Variants in DPY19L2 observed in about 807,000 individuals in gnomAD.
DPY19L2 encodes dpy-19 like 2.
In DPY19L2, 34 loss-of-function variants were observed where a neutral mutation model predicts 97.9. The ratio of observed to expected loss-of-function variants is 0.35; its 90% CI spans 0.26 to 0.46. The LOEUF (loss-of-function observed/expected upper bound fraction) is 0.46, where lower values mean the gene tolerates loss of function less well. DPY19L2 is among the 20% of genes least tolerant of loss of function. The probability of loss-of-function intolerance (pLI) is 1.00; values close to 1 mark genes in which losing one functional copy is unlikely to be tolerated. For missense variants in DPY19L2, 623 were observed against 911.4 expected (o/e 0.68, Z 4.07); for synonymous variants, 230 against 307.9 (o/e 0.75, Z 2.65).
At chr12:63,614,504 T>C (rs1269519191) in intron 11 of DPY19L2, among the ~76,000 whole-genome samples, 4 of 151,964 alleles carry the variant, frequency 2.6e-5, no homozygotes, top group Non-Finnish European at 1.5e-5. Flanking sequence ...AAAAATAAAA[T>C]GGGTGAAGAG....
chr12:63,591,138 A>T, intron 16 of DPY19L2: 1 of 455,612 alleles, frequency 2.2e-6, no homozygotes, highest in South Asian at 1.6e-5. Flanking sequence ...CTGGAACAAT[A>T]TAGAATGGTT....
At chr12:63,655,295 AAAAT>A in intron 4 of DPY19L2, among the ~76,000 whole-genome samples, 1 of 152,188 alleles carries the variant, frequency 6.6e-6, no homozygotes, top group Non-Finnish European at 1.5e-5. Flanking sequence ...AAGAATGAGT[AAAAT>A]AAAAAATAGT....
chr12:63,600,075 T>C (rs1237161758), intron 13 of DPY19L2, among the ~76,000 whole-genome samples: 4 of 152,124 alleles, frequency 2.6e-5, no homozygotes, highest in Non-Finnish European at 4.4e-5. Flanking sequence ...CTATTAGTAT[T>C]TTTTTACTAA....
intron 17 of DPY19L2, among the ~76,000 whole-genome samples, chr12:63,582,898 G>A (rs959044567): frequency 6.6e-6 from 1 of 152,018 alleles, no homozygotes; most frequent in Non-Finnish European, 1.5e-5. Flanking sequence ...GGTGTGAGGA[G>A]GTGGAGTACC....
intron 4 of DPY19L2, among the ~76,000 whole-genome samples, chr12:63,653,175 C>A (rs938168563): frequency 1.3e-4 from 19 of 151,964 alleles, no homozygotes; most frequent in African/African-American, 4.4e-4. Context: ...GCCCTAGGGA[C>A]CTGTGGAACT....
intron 15 of DPY19L2, among the ~76,000 whole-genome samples, chr12:63,594,518 TTGTG>T (rs796987462): frequency 9.9e-6 from 1 of 100,620 alleles, no homozygotes; most frequent in Non-Finnish European, 2.0e-5. Context: ...CTACAGGGAT[TTGTG>T]TGTGTGTGTG....
intron 4 of DPY19L2, among the ~76,000 whole-genome samples, chr12:63,656,087 T>C (rs921235675): frequency 7.2e-5 from 11 of 152,140 alleles, no homozygotes; most frequent in Non-Finnish European, 1.3e-4. Flanking sequence ...TCAGGAAAAG[T>C]TGTAAATTTG....
chr12:63,658,423 G>A (rs1469304977), intron 4 of DPY19L2, among the ~76,000 whole-genome samples: 1 of 152,094 alleles, frequency 6.6e-6, no homozygotes, highest in Non-Finnish European at 1.5e-5. Flanking sequence ...GAACCCAGGA[G>A]GCAGAGGCTA....
intron 17 of DPY19L2, 83 bp from the exon 18 acceptor site, chr12:63,582,608 A>G: frequency 7.2e-7 from 1 of 1,381,550 alleles, no homozygotes; most frequent in Non-Finnish European, 9.7e-7. Flanking sequence ...TATATTATTC[A>G]TTAAGACAAG....
intron 15 of DPY19L2, among the ~76,000 whole-genome samples, chr12:63,595,611 C>CT (rs1364239485): frequency 1.3e-5 from 2 of 152,012 alleles, no homozygotes; most frequent in African/African-American, 4.8e-5. Flanking sequence ...AATTTTAATT[C>CT]TTTAGACATT....
At chr12:63,658,084 C>T (rs1171104739) in intron 4 of DPY19L2, among the ~76,000 whole-genome samples, 1 of 152,158 alleles carries the variant, frequency 6.6e-6, no homozygotes, top group East Asian at 1.9e-4. Flanking sequence ...TGCCATCATT[C>T]CAGCTCTCTT....
At chr12:63,615,945 T>C (rs535576754) in intron 11 of DPY19L2, among the ~76,000 whole-genome samples, 2 of 152,032 alleles carry the variant, frequency 1.3e-5, no homozygotes, top group Non-Finnish European at 2.9e-5. Context: ...ATAATAATAA[T>C]ACAACAGTTT....
chr12:63,636,208 T>C (rs1891662247), intron 6 of DPY19L2, among the ~76,000 whole-genome samples: 5 of 152,040 alleles, frequency 3.3e-5, no homozygotes, highest in Admixed American at 3.3e-4. Flanking sequence ...AATAAAATCC[T>C]TTACAGACAA....
chr12:63,592,831 C>A lies in DPY19L2; in HGVS notation c.1580+1256G>T, dbSNP rs189625350. The stretch of plus-strand genomic sequence containing the variant: ...CACAGCTTCTGCACAGCAAAAGAAA[C>A]TACCATCAGAGTCAACAGGCAACCT... On this transcript the variant is annotated intron_variant, in intron 16 of 21. Coordinates refer to ENST00000324472, the MANE Select transcript of DPY19L2 (RefSeq NM_173812.5). 2.3e-3 allele frequency among the ~76,000 whole-genome samples: 350 copies of A among 152,220 alleles called. 1 individual carries two copies. Among genetic ancestry groups the A allele is most frequent in the African/African-American group, 8.2e-3 (342 of 41,524 alleles).
chr12:63,668,274 C>G lies in DPY19L2; in HGVS notation c.120G>C (p.Ser40=), dbSNP rs753751404. The G allele has an allele frequency of 6.8e-6, 11 of 1,613,796 alleles. No individual in the cohort carries two copies. Among genetic ancestry groups the G allele is most frequent in the Non-Finnish European group, 3.4e-6 (4 of 1,179,898 alleles). ...EPEVEEEMEK[S]ALGGGKLPRG... Reference sequence around the variant, plus strand: ...TTGGCAGTTTCCCGCCGCCTAGGGCCGACTTTTCCATCTCCTCCTCTACCT... The same window carrying G: ...TTGGCAGTTTCCCGCCGCCTAGGGCGGACTTTTCCATCTCCTCCTCTACCT... Residue 40 remains serine, a synonymous_variant, in exon 1 of 22, where the codon TCG becomes TCC. Transcript: ENST00000324472.
chr12:63,620,509 A>G (rs980695569), intron 9 of DPY19L2, among the ~76,000 whole-genome samples: 19 of 152,194 alleles, frequency 1.2e-4, no homozygotes, highest in African/African-American at 4.3e-4. Context: ...AAATAATACA[A>G]AAAGTCTTTC....
intron 4 of DPY19L2, among the ~76,000 whole-genome samples, chr12:63,648,163 G>A (rs764527467): frequency 3.3e-5 from 5 of 152,100 alleles, no homozygotes; most frequent in Non-Finnish European, 7.4e-5. Flanking sequence ...TGGAAGCAGA[G>A]AGCAGCCTTC....
intron 21 of DPY19L2, among the ~76,000 whole-genome samples, chr12:63,562,836 C>T (rs1293030322): frequency 2.1e-5 from 3 of 145,878 alleles, no homozygotes; most frequent in African/African-American, 5.2e-5. Flanking sequence ...CTTGCTCTGT[C>T]GCCGAGTGGA....
chr12:63,598,193 C>T lies in DPY19L2; in HGVS notation c.1360-283G>A, dbSNP rs574890389. Among the ~76,000 whole-genome samples the T allele has an allele frequency of 1.3e-4, 20 of 152,068 alleles. 1 individual carries two copies. The highest frequency in any genetic ancestry group is 2.2e-4 in the Non-Finnish European group (15 of 67,938). On this transcript the variant is annotated intron_variant, in intron 13 of 21. Coordinates refer to ENST00000324472, the MANE Select transcript of DPY19L2 (RefSeq NM_173812.5). ...ATAAAGAGTGAGCTAAAATCAATATCTGCTGAGAATAAACCACCATGTAGT... is the reference window on the plus strand; with the variant it reads ...ATAAAGAGTGAGCTAAAATCAATATTTGCTGAGAATAAACCACCATGTAGT...
Sources: gnomAD v4.1 joint callset for allele counts (sites outside exome capture counted in the v4.1 genomes callset) on GRCh38, gnomAD v4.1.1 for gene constraint, MANE v1.5 for transcripts, NCBI Gene and HGNC (gene_info 2026-07-23, HGNC 2026-07-21) for gene names.